ZNF713: variants seen among roughly 807,000 people sequenced by gnomAD.
ZNF713 encodes zinc finger protein 713.
A neutral mutation model predicts 28.7 loss-of-function variants in ZNF713; 21 were observed. The ratio of observed to expected loss-of-function variants is 0.73; its 90% CI spans 0.52 to 1.05. ZNF713 has a LOEUF of 1.05. Ranked by LOEUF, ZNF713 falls within the 50% of genes least tolerant of loss-of-function variation. The pLI is 0.00. For missense variants in ZNF713, 458 were observed against 532.4 expected (o/e 0.86, Z 1.37); for synonymous variants, 167 against 178.0 (o/e 0.94, Z 0.49).
intron 6 of ZNF713, among the ~76,000 whole-genome samples, chr7:55,929,670 G>A (rs916702666): frequency 2.0e-5 from 3 of 150,730 alleles, no homozygotes; most frequent in Non-Finnish European, 3.0e-5. Context: ...CATGAGAACC[G>A]CCTGAGCCTG....
intron 6 of ZNF713, among the ~76,000 whole-genome samples, chr7:55,935,832 A>G (rs148820492): frequency 0.023 from 3,455 of 151,956 alleles, 53 homozygotes; most frequent in South Asian, 0.054. Context: ...GCGGGCACCT[A>G]TAGTCCCAGC....
intron 6 of ZNF713, among the ~76,000 whole-genome samples, chr7:55,936,525 G>A (rs1379776381): frequency 6.6e-6 from 1 of 152,114 alleles, no homozygotes; most frequent in African/African-American, 2.4e-5. Flanking sequence ...ACTTCAAGGG[G>A]ACCACTCTGG....
chr7:55,912,554 A>G (rs979086846), intron 3 of ZNF713, 81 bp from the exon 4 acceptor site: 1 of 991,546 alleles, frequency 1.0e-6, no homozygotes, highest in Non-Finnish European at 1.5e-6. Flanking sequence ...ACTGTCTGCC[A>G]TACCTACACA....
intron 2 of ZNF713, among the ~76,000 whole-genome samples, chr7:55,906,664 T>G (rs892158904): frequency 1.3e-5 from 2 of 152,148 alleles, no homozygotes; most frequent in African/African-American, 4.8e-5. Context: ...AGCATGCTTT[T>G]AAGATTGCAG....
intron 1 of ZNF713, among the ~76,000 whole-genome samples, chr7:55,895,370 C>T (rs922585892): frequency 1.3e-5 from 2 of 150,038 alleles, no homozygotes; most frequent in South Asian, 2.1e-4. Context: ...TCATTGAGAT[C>T]GGGAATATGA....
At chr7:55,890,598 A>T (rs1055737750) in intron 1 of ZNF713, among the ~76,000 whole-genome samples, 2 of 152,218 alleles carry the variant, frequency 1.3e-5, no homozygotes, top group East Asian at 1.9e-4. Context: ...TGAAAATTCT[A>T]ATCTGCTGTA....
intron 1 of ZNF713, among the ~76,000 whole-genome samples, chr7:55,892,381 G>A (rs189187772): frequency 6.6e-6 from 1 of 151,594 alleles, no homozygotes; most frequent in African/African-American, 2.4e-5. Flanking sequence ...TGGTGTTCAG[G>A]GTTTTAATTG....
At chr7:55,909,935 ATGTGTGTATATATATG>A (rs1018989188) in intron 2 of ZNF713, among the ~76,000 whole-genome samples, 1 of 141,682 alleles carries the variant, frequency 7.1e-6, no homozygotes, top group African/African-American at 2.7e-5. Context: ...GAATATATGT[ATGTGTGTATATATATG>A]TGTGTGTATA....
At chr7:55,914,066 G>A (rs1030396513) in intron 4 of ZNF713, among the ~76,000 whole-genome samples, 35 of 148,990 alleles carry the variant, frequency 2.3e-4, no homozygotes, top group Non-Finnish European at 4.7e-4. Context: ...AGCCAAGATC[G>A]TGCCACTGCA....
In ZNF713 at chr7:55,931,628, C is replaced by CTCCCTCCTTCTTTCCCTCTCTCCTT. The variant is rs1786213017; in HGVS notation, c.308-7331_308-7330insTTTCCCTCCTTCTTTCCCTCTCTCC. ...CTCCCTCCTTCTTTCCCTCTCTCCTCTCCCTCCTTCTTTCCCTCTCTCCCT... is the reference window on the plus strand; with the variant it reads ...CTCCCTCCTTCTTTCCCTCTCTCCTCTCCCTCCTTCTTTCCCTCTCTCCTTTCCCTCCTTCTTTCCCTCTCTCCCT... On this transcript the variant is annotated intron_variant, in intron 6 of 6. Coordinates refer to ENST00000429591, the MANE Select transcript of ZNF713 (RefSeq NM_182633.3). 2.0e-5 allele frequency among the ~76,000 whole-genome samples: 3 copies of CTCCCTCCTTCTTTCCCTCTCTCCTT among 148,542 alleles called. 1 individual carries two copies. The highest frequency in any genetic ancestry group is 3.9e-4 in the East Asian group (2 of 5,130).
At chr7:55,887,848 C>CG (rs1292935236) in intron 1 of ZNF713, among the ~76,000 whole-genome samples, 168 bp downstream of exon 1, 781 of 3,454 alleles carry the variant, frequency 0.23, 225 homozygotes, top group African/African-American at 0.29. Context: ...CGGGCGGCGG[C>CG]GGCGGCGGGC....
chr7:55,923,679 G>GTTTGA lies in ZNF713; in HGVS notation c.287_288insTTTGA (p.Leu98ThrfsTer33), dbSNP rs1786040243. On this transcript the variant is annotated frameshift_variant, in exon 6 of 7. Coordinates refer to ENST00000429591, the MANE Select transcript of ZNF713 (RefSeq NM_182633.3). LOFTEE classifies it low-confidence loss of function (END_TRUNC). ...GAAGAATGGGTGATAGAAAGAGACA[G>GTTTGA]CCTGCTGGATACTCATCCAGGTAAG... The GTTTGA allele has an allele frequency of 1.2e-6, 2 of 1,612,078 alleles. No homozygotes were observed. The highest frequency in any genetic ancestry group is 1.3e-5 in the African/African-American group (1 of 74,876).
intron 1 of ZNF713, among the ~76,000 whole-genome samples, chr7:55,893,643 G>A (rs1210304315): frequency 1.3e-5 from 2 of 152,016 alleles, no homozygotes; most frequent in Non-Finnish European, 2.9e-5. Context: ...ACAGTGTCGC[G>A]ATCTTGGCTC....
chr7:55,906,918 C>A (rs1785689236), intron 2 of ZNF713, among the ~76,000 whole-genome samples: 1 of 152,090 alleles, frequency 6.6e-6, no homozygotes, highest in South Asian at 2.1e-4. Flanking sequence ...GAAGAGGAGA[C>A]CTACTTTAGG....
intron 6 of ZNF713, among the ~76,000 whole-genome samples, chr7:55,932,059 G>C (rs1786221310): frequency 6.6e-6 from 1 of 152,138 alleles, no homozygotes; most frequent in Non-Finnish European, 1.5e-5. Context: ...TTGATAGTTT[G>C]GTTGAAATAA....
intron 6 of ZNF713, among the ~76,000 whole-genome samples, chr7:55,931,531 C>T (rs1201933433): frequency 2.9e-4 from 44 of 151,388 alleles, no homozygotes; most frequent in Non-Finnish European, 1.5e-5. Flanking sequence ...TTGTTTTCCC[C>T]CTTCCCTTTC....
intron 4 of ZNF713, chr7:55,918,431 T>G (rs751381304): frequency 1.7e-5 from 3 of 179,382 alleles, no homozygotes; most frequent in Non-Finnish European, 3.6e-5. Flanking sequence ...TGGGATGGTT[T>G]GTTATGCAGC....
At chr7:55,895,465 T>C in intron 1 of ZNF713, among the ~76,000 whole-genome samples, 1 of 57,388 alleles carries the variant, frequency 1.7e-5, no homozygotes. Context: ...TTTTTTTTTT[T>C]TTTTTTTTTT....
At chr7:55,906,919 C>A (rs1194371709) in intron 2 of ZNF713, among the ~76,000 whole-genome samples, 1 of 152,100 alleles carries the variant, frequency 6.6e-6, no homozygotes, top group Non-Finnish European at 1.5e-5. Flanking sequence ...AAGAGGAGAC[C>A]TACTTTAGGT....
Sources: allele counts gnomAD v4.1 joint callset (sites outside exome capture counted in the v4.1 genomes callset), GRCh38; gene constraint gnomAD v4.1.1; transcripts MANE v1.5; gene names NCBI Gene and HGNC (gene_info 2026-07-23, HGNC 2026-07-21).